Variants in SYK observed in about 807,000 individuals in gnomAD.
The protein encoded by SYK is spleen associated tyrosine kinase.
Under a neutral mutation model 77.8 loss-of-function variants are expected in SYK, and 16 were observed. The ratio of observed to expected loss-of-function variants is 0.21; its 90% confidence interval spans 0.14 to 0.31. The LOEUF (loss-of-function observed/expected upper bound fraction) is 0.31. Among genes scored for constraint, SYK ranks in the 10% least tolerant of loss-of-function variants. The pLI, the probability that SYK is intolerant of heterozygous loss-of-function variation, is 1.00. For missense variants in SYK, 529 were observed against 814.4 expected (o/e 0.65, Z 4.26); for synonymous variants, 312 against 308.7 (o/e 1.01, Z -0.11).
At chr9:90,845,828 C>T (rs560084172) in intron 3 of SYK, among the ~76,000 whole-genome samples, 1 of 152,160 alleles carries the variant, frequency 6.6e-6, no homozygotes, top group African/African-American at 2.4e-5. Flanking sequence ...TTTTGGGCAC[C>T]GAGGGATGTA....
chr9:90,877,477 C>A, intron 9 of SYK, 94 bp from the exon 10 acceptor site: 1 of 1,393,994 alleles, frequency 7.2e-7, no homozygotes, highest in Non-Finnish European at 9.9e-7. Flanking sequence ...TTCCGTGGGA[C>A]TGTTTCCACA....
chr9:90,851,867 T>A (rs10993716), intron 3 of SYK, among the ~76,000 whole-genome samples: 19,501 of 152,164 alleles, frequency 0.13, 1,620 homozygotes, highest in Non-Finnish European at 0.18. Flanking sequence ...CTTATTTTTT[T>A]AAAAATATAA....
chr9:90,879,562 G>T (rs1828069830), intron 11 of SYK, among the ~76,000 whole-genome samples: 1 of 152,216 alleles, frequency 6.6e-6, no homozygotes, highest in Non-Finnish European at 1.5e-5. Flanking sequence ...GTTAGAAAGT[G>T]AAGATTTACC....
At chr9:90,815,376 C>T (rs964438300) in intron 1 of SYK, among the ~76,000 whole-genome samples, 13 of 152,226 alleles carry the variant, frequency 8.5e-5, no homozygotes, top group East Asian at 3.9e-4. Flanking sequence ...ACTGGCCCCT[C>T]GGCTCCAACC....
At chr9:90,828,233 C>CCG (rs1052538932) in intron 1 of SYK, among the ~76,000 whole-genome samples, 1 of 31,414 alleles carries the variant, frequency 3.2e-5, no homozygotes, top group Admixed American at 2.9e-4. Context: ...GGCCTCACCC[C>CCG]CGCCCCCCCC....
At chr9:90,825,534 T>C (rs924795538) in intron 1 of SYK, among the ~76,000 whole-genome samples, 5 of 152,322 alleles carry the variant, frequency 3.3e-5, no homozygotes, top group Admixed American at 2.6e-4. Flanking sequence ...AAAATTCACA[T>C]GCTAGAAAGT....
intron 9 of SYK, 52 bp from the exon 10 acceptor site, chr9:90,877,519 T>C: frequency 6.3e-7 from 1 of 1,587,068 alleles, no homozygotes; most frequent in South Asian, 1.1e-5. Flanking sequence ...TAAGATTATC[T>C]AGAAGTGAGG....
At chr9:90,889,235 A>C (rs2118981428) in intron 13 of SYK, among the ~76,000 whole-genome samples, 1 of 152,352 alleles carries the variant, frequency 6.6e-6, no homozygotes, top group South Asian at 2.1e-4. Context: ...GCAAGGAAGG[A>C]AAATGCATTG....
chr9:90,814,261 C>G (rs1006763461), intron 1 of SYK, among the ~76,000 whole-genome samples: 1 of 152,268 alleles, frequency 6.6e-6, no homozygotes, highest in South Asian at 2.1e-4. Context: ...CTGGTCCTGG[C>G]GGTGTGTTTA....
At chr9:90,871,651 C>G (rs914055500) in intron 7 of SYK, among the ~76,000 whole-genome samples, 15 of 152,160 alleles carry the variant, frequency 9.9e-5, no homozygotes, top group Non-Finnish European at 1.6e-4. Context: ...AACTACTGTT[C>G]TTTTAACTGA....
Position 90,845,354 on chromosome 9 carries a change from G to A in SYK, c.418-80G>A, listed in dbSNP as rs143130580. On this transcript the variant is annotated intron_variant, in intron 2 of 13. Transcript: ENST00000375754. ...ATCCTGTTTTACCATGCCAGGACTC[G>A]AGATAGATTGGAAATGCCTTCTGCA... The A allele has an allele frequency of 7.8e-4, 1,148 of 1,475,542 alleles. 20 individuals are homozygous for A. In the East Asian group the frequency reaches 0.024, roughly 31 times the overall value. The allele number at this position is 1,475,542 out of a possible 1,614,324, so 91.4% of individuals were successfully genotyped here.
chr9:90,892,785 C>T (rs1023554241), intron 13 of SYK, among the ~76,000 whole-genome samples: 1 of 152,236 alleles, frequency 6.6e-6, no homozygotes, highest in Non-Finnish European at 1.5e-5. Context: ...CTAATAGTCC[C>T]AGCCCTCCAG....
intron 1 of SYK, among the ~76,000 whole-genome samples, chr9:90,838,733 G>T (rs1454295947): frequency 6.6e-6 from 1 of 152,190 alleles, no homozygotes; most frequent in Non-Finnish European, 1.5e-5. Flanking sequence ...TGGGAATGTT[G>T]AATTAAGAAA....
At chr9:90,872,679 A>T (rs1419829360) in intron 7 of SYK, among the ~76,000 whole-genome samples, 1 of 152,270 alleles carries the variant, frequency 6.6e-6, no homozygotes, top group Non-Finnish European at 1.5e-5. Flanking sequence ...CTTCATCAGC[A>T]TAAAGGCTTG....
intron 11 of SYK, among the ~76,000 whole-genome samples, chr9:90,880,225 G>A (rs569925763): frequency 6.6e-6 from 1 of 152,318 alleles, no homozygotes; most frequent in African/African-American, 2.4e-5. Context: ...TGGACTGGTA[G>A]GTGATGGGGA....
intron 1 of SYK, among the ~76,000 whole-genome samples, chr9:90,805,982 A>G (rs1177518198): frequency 1.3e-5 from 2 of 152,222 alleles, no homozygotes; most frequent in African/African-American, 4.8e-5. Context: ...TCCTTCTCAC[A>G]CCATCCCAGG....
chr9:90,874,180 C>A, intron 7 of SYK, 24 bp from the exon 8 acceptor site: 1 of 1,589,486 alleles, frequency 6.3e-7, no homozygotes, highest in Non-Finnish European at 8.6e-7. Flanking sequence ...AGAAAAACAA[C>A]CTGTTGTCCT....
chr9:90,818,914 A>G (rs1179174002), intron 1 of SYK, among the ~76,000 whole-genome samples: 1 of 152,216 alleles, frequency 6.6e-6, no homozygotes, highest in Non-Finnish European at 1.5e-5. Flanking sequence ...TGCAAATATC[A>G]ACCCCTCTAA....
intron 3 of SYK, among the ~76,000 whole-genome samples, chr9:90,855,087 T>C (rs1195261900): frequency 1.3e-5 from 2 of 151,790 alleles, no homozygotes; most frequent in East Asian, 3.9e-4. Context: ...GTGCACAACC[T>C]GTGGGGCCCA....
Sources: gnomAD v4.1 joint callset for allele counts (sites outside exome capture counted in the v4.1 genomes callset) on GRCh38, gnomAD v4.1.1 for gene constraint, MANE v1.5 for transcripts, NCBI Gene and HGNC (gene_info 2026-07-23, HGNC 2026-07-21) for gene names.